NKAIN2: variants seen among roughly 807,000 people sequenced by gnomAD.
NKAIN2 encodes the protein sodium/potassium transporting ATPase interacting 2.
A neutral mutation model predicts 32.6 loss-of-function variants in NKAIN2; 14 were observed. The ratio of observed to expected loss-of-function variants is 0.43; its 90% CI spans 0.28 to 0.67. The LOEUF is 0.67. Ranked by LOEUF, NKAIN2 falls within the 30% of genes least tolerant of loss-of-function variation. NKAIN2 has a pLI of 0.17. For synonymous variants in NKAIN2, 80 were observed against 87.2 expected (o/e 0.92, Z 0.46); for missense variants, 198 against 258.3 (o/e 0.77, Z 1.60).
chr6:123,936,859 T>G (rs538913838), intron 1 of NKAIN2, among the ~76,000 whole-genome samples: 3 of 152,262 alleles, frequency 2.0e-5, no homozygotes, highest in Non-Finnish European at 4.4e-5. Context: ...ATTATTCTAG[T>G]GGGAATACTC....
chr6:124,447,513 C>A (rs934113248), intron 3 of NKAIN2, among the ~76,000 whole-genome samples: 1 of 152,054 alleles, frequency 6.6e-6, no homozygotes, highest in Non-Finnish European at 1.5e-5. Flanking sequence ...AAATTTCGGT[C>A]ACAACAAAGG....
At chr6:123,907,265 T>G (rs1226424751) in intron 1 of NKAIN2, among the ~76,000 whole-genome samples, 2 of 152,202 alleles carry the variant, frequency 1.3e-5, no homozygotes, top group African/African-American at 4.8e-5. Context: ...GAACCAAGTT[T>G]TCCTATATAT....
rs192450305 is a variant in NKAIN2, at chr6:124,683,362, G to A, written c.474+24976G>A. ...TCTATATTGCTATGTGTTGTCAAAC[G>A]TCTACGTTTATCTAAATGATCTCCT... is the stretch of plus-strand genomic sequence containing the variant. On this transcript the variant is annotated intron_variant, in intron 4 of 6. Transcript: ENST00000368417. Among the ~76,000 whole-genome samples, 8 of 152,192 alleles carry A rather than the reference G, an allele frequency of 5.3e-5. No homozygotes were observed. The East Asian group carries it at 9.7e-4, about 18-fold the overall frequency.
At chr6:124,786,268 G>A (rs567506705) in intron 4 of NKAIN2, among the ~76,000 whole-genome samples, 2 of 152,090 alleles carry the variant, frequency 1.3e-5, no homozygotes, top group African/African-American at 4.8e-5. Context: ...TAGCTGGTCT[G>A]CCTCAAAGTC....
At chr6:124,542,983 G>A (rs1220483350) in intron 3 of NKAIN2, among the ~76,000 whole-genome samples, 1 of 151,992 alleles carries the variant, frequency 6.6e-6, no homozygotes, top group East Asian at 1.9e-4. Context: ...TACTAGATTG[G>A]TCCCCTTTCT....
intron 3 of NKAIN2, among the ~76,000 whole-genome samples, chr6:124,603,510 C>T (rs912890031): frequency 4.6e-5 from 7 of 151,904 alleles, no homozygotes; most frequent in Admixed American, 1.3e-4. Context: ...TAAGGAATTA[C>T]TTCCTTAATT....
At chr6:124,328,203 C>T (rs571280603) in intron 2 of NKAIN2, among the ~76,000 whole-genome samples, 10 of 152,164 alleles carry the variant, frequency 6.6e-5, no homozygotes, top group Admixed American at 4.6e-4. Flanking sequence ...TAGAGATCAT[C>T]GTACAGATAT....
At chr6:123,898,547 G>C (rs935409480) in intron 1 of NKAIN2, among the ~76,000 whole-genome samples, 2 of 142,800 alleles carry the variant, frequency 1.4e-5, no homozygotes, top group African/African-American at 5.8e-5. Context: ...CTGGCTCCAG[G>C]GGTGTTTTTT....
chr6:124,549,451 G>C (rs1472358837), intron 3 of NKAIN2, among the ~76,000 whole-genome samples: 2 of 152,170 alleles, frequency 1.3e-5, no homozygotes, highest in Non-Finnish European at 2.9e-5. Context: ...AAATAGTACA[G>C]AGTTCCCATA....
rs1200850806 is a variant in NKAIN2, at chr6:124,823,351, CAAA to C, written c.*123_*125del. On this transcript the variant is annotated 3_prime_UTR_variant, in exon 7 of 7. Transcript: ENST00000368417. ...TAAATACATACACGTATTAACAAAA[CAAA>C]TGCAAAGCCTCTACATACAACACTG... 2.6e-6 allele frequency: 2 copies of C among 767,164 alleles called. No individual in the cohort carries two copies. Among genetic ancestry groups the C allele is most frequent in the Non-Finnish European group, 4.7e-6 (2 of 421,098 alleles). 47.5% of individuals were successfully genotyped at this position (767,164 alleles called of 1,614,324 possible).
chr6:123,963,421 G>A (rs1183876783), intron 1 of NKAIN2, among the ~76,000 whole-genome samples: 1 of 152,146 alleles, frequency 6.6e-6, no homozygotes, highest in Non-Finnish European at 1.5e-5. Flanking sequence ...GGGAAGTGTT[G>A]AGAGAAAAAG....
Position 124,283,119 on chromosome 6 carries a change from T to A in NKAIN2, c.169T>A (p.Tyr57Asn). The change falls in exon 2 of 7, where the codon TAT becomes AAT. Residue 57 changes from tyrosine to asparagine, a missense_variant. Tyr to Asn is a moderately radical substitution (Grantham distance 143, BLOSUM62 -2). Coordinates refer to ENST00000368417, the MANE Select transcript of NKAIN2 (RefSeq NM_001040214.3). The part of the protein sequence containing the change: ...VILGLFGTIQ[Y>N]RPRYITGYAV... ...TCTTGGTTTGTTTGGAACTATTCAA[T>A]ATAGACCTCGTTACATAACAGGAGT... 6.2e-7 allele frequency: 1 copy of A among 1,609,390 alleles called. No individual in the cohort carries two copies. The highest frequency in any genetic ancestry group is 8.5e-7 in the Non-Finnish European group (1 of 1,175,752).
intron 1 of NKAIN2, among the ~76,000 whole-genome samples, chr6:124,137,741 A>T (rs950797462): frequency 1.3e-5 from 2 of 152,114 alleles, no homozygotes; most frequent in African/African-American, 4.8e-5. Flanking sequence ...TTGACAAAGC[A>T]TACAAAAACA....
chr6:124,219,875 C>A (rs183694018), intron 1 of NKAIN2, among the ~76,000 whole-genome samples: 102 of 152,060 alleles, frequency 6.7e-4, no homozygotes, highest in African/African-American at 2.4e-3. Flanking sequence ...AAAATCTTAA[C>A]AAAATGCCAG....
At position 124,673,006 on chromosome 6, in the gene NKAIN2, G is replaced by C. The variant is rs145162912; in HGVS notation, c.474+14620G>C. 4.9e-4 allele frequency among the ~76,000 whole-genome samples: 74 copies of C among 152,102 alleles called. No homozygotes were observed. The East Asian group carries it at 6.4e-3, about 13-fold the overall frequency. On this transcript the variant is annotated intron_variant, in intron 4 of 6. Transcript: ENST00000368417. ...TCTCCAGAACTTTACATCTTGCATG[G>C]CTGAAAATATACACTCATTGAACAG...
intron 1 of NKAIN2, among the ~76,000 whole-genome samples, chr6:123,869,495 G>C (rs556552103): frequency 8.5e-5 from 13 of 152,176 alleles, no homozygotes; most frequent in African/African-American, 3.1e-4. Flanking sequence ...CATCCATCCT[G>C]AGTTAGAGTT....
chr6:124,029,957 C>T (rs1781333601), intron 1 of NKAIN2, among the ~76,000 whole-genome samples: 1 of 152,024 alleles, frequency 6.6e-6, no homozygotes, highest in South Asian at 2.1e-4. Context: ...TGCAGTGGTT[C>T]ACACCTGTAA....
At chr6:123,814,239 T>G (rs1192993400) in intron 1 of NKAIN2, among the ~76,000 whole-genome samples, 1 of 152,178 alleles carries the variant, frequency 6.6e-6, no homozygotes, top group Non-Finnish European at 1.5e-5. Context: ...CATTGTGAAT[T>G]GGAATCCACA....
At chr6:124,616,437 C>CTTTTTTTTTTTTTTTTTTTTTTT (rs79406895) in intron 3 of NKAIN2, among the ~76,000 whole-genome samples, 2 of 70,442 alleles carry the variant, frequency 2.8e-5, no homozygotes, top group African/African-American at 1.4e-4. Context: ...TCTTTTCTTT[C>CTTTTTTTTTTTTTTTTTTTTTTT]TTTTTTTTTT....
Sources: gnomAD v4.1 joint callset for allele counts (sites outside exome capture counted in the v4.1 genomes callset) on GRCh38, gnomAD v4.1.1 for gene constraint, MANE v1.5 for transcripts, NCBI Gene and HGNC (gene_info 2026-07-23, HGNC 2026-07-21) for gene names.